The following GOLM1 variants were observed in gnomAD, a reference collection of about 807,000 sequenced individuals.
The protein encoded by GOLM1 is epididymis luminal protein 46.
GOLM1 carries 31 observed loss-of-function variants against 50.5 expected under a neutral mutation model. The observed-to-expected ratio is 0.61, with a 90% confidence interval of 0.46 to 0.83. The LOEUF (loss-of-function observed/expected upper bound fraction) is 0.83, where lower values mean the gene tolerates loss of function less well. GOLM1 is among the 40% of genes least tolerant of loss of function. The probability of loss-of-function intolerance (pLI) is 0.00; values close to 1 mark genes in which losing one functional copy is unlikely to be tolerated. For synonymous variants in GOLM1, 178 were observed against 192.8 expected, an observed-to-expected ratio of 0.92 and a Z score of 0.64; for missense variants, 491 against 501.3, an observed-to-expected ratio of 0.98 and a Z score of 0.20.
intron 9 of GOLM1, among the ~76,000 whole-genome samples, 189 bp downstream of exon 9, chr9:86,033,092 CA>C (rs1355489761): frequency 6.6e-6 from 1 of 152,188 alleles, no homozygotes; most frequent in Non-Finnish European, 1.5e-5. Flanking sequence ...TGGTTTTCAT[CA>C]CCTTGGGCTT....
rs1331948077 is a variant in GOLM1 at position 86,046,509 on chromosome 9, T to G, written c.428A>C (p.Lys143Thr). Reference protein sequence around the residue: ...RLQQDVLQFQKNQTNLERKFS... With the variant: ...RLQQDVLQFQTNQTNLERKFS... ...CTTCCTCTCCAGGTTGGTCTGGTTCTTCTGAAACTGGAGGACATCCTGCTG... is the reference window on the plus strand; with the variant it reads ...CTTCCTCTCCAGGTTGGTCTGGTTCGTCTGAAACTGGAGGACATCCTGCTG... Residue 143 changes from lysine (K) to threonine (T), a missense_variant, in exon 5 of 10, where the codon AAG (lysine) becomes ACG (threonine). By Grantham distance (78) the Lys-to-Thr change is moderately conservative (BLOSUM62 -1). Transcript: ENST00000388712. 2 of 1,613,498 alleles carry G rather than the reference T, an allele frequency of 1.2e-6. No homozygotes were observed. Among genetic ancestry groups the G allele is most frequent in the Non-Finnish European group, 1.7e-6 (2 of 1,179,534 alleles).
At chr9:86,079,804 C>T (rs1456814269) in intron 1 of GOLM1, 1 of 152,514 alleles carries the variant, frequency 6.6e-6, no homozygotes, top group East Asian at 1.9e-4. Flanking sequence ...AGAGTATATT[C>T]CTCATTACTC....
rs192271944 is a variant in GOLM1 at position 86,095,751 on chromosome 9, G to A, written c.-22+3660C>T. Reference sequence around the variant, plus strand: ...TGAAACTTGCAGTGTTCCCCAACTCGCACACAGACCTACTGATAGAGGGAT... The same window carrying A: ...TGAAACTTGCAGTGTTCCCCAACTCACACACAGACCTACTGATAGAGGGAT... On this transcript the variant is annotated intron_variant, in intron 1 of 9. Coordinates refer to ENST00000388712, the MANE Select transcript of GOLM1 (RefSeq NM_016548.4). Among the ~76,000 whole-genome samples, 63 of 152,242 alleles carry A rather than the reference G, an allele frequency of 4.1e-4. No individual in the cohort carries two copies. In the East Asian group the frequency reaches 0.01, roughly 25 times the overall value.
chr9:86,089,961 G>A (rs1029907459), intron 1 of GOLM1, among the ~76,000 whole-genome samples: 4 of 152,072 alleles, frequency 2.6e-5, no homozygotes, highest in Non-Finnish European at 2.9e-5. Context: ...CCTTTTTGTT[G>A]ATGCTATTCC....
rs1832790725 is a variant in GOLM1 at position 86,026,576 on chromosome 9, G to A, written c.*1241C>T. 1.1e-6 allele frequency: 1 copy of A among 938,510 alleles called. No individual in the cohort carries two copies. The highest frequency in any genetic ancestry group is 1.8e-5 in the African/African-American group (1 of 56,330). 58.1% of individuals were successfully genotyped at this position (938,510 alleles called of 1,614,324 possible). A position where few individuals can be genotyped will look rare whatever the true frequency, so the allele number is the denominator to read the frequency against. ...GGATCAAACGATCTCTGGGGCCTTA[G>A]CATCTCAAATCCTGTGGATCCTCCT... is the stretch of plus-strand genomic sequence containing the variant. On this transcript the variant is annotated 3_prime_UTR_variant, in exon 10 of 10. Coordinates refer to ENST00000388712, the MANE Select transcript of GOLM1 (RefSeq NM_016548.4).
intron 1 of GOLM1, among the ~76,000 whole-genome samples, chr9:86,099,059 T>C (rs1360428249): frequency 2.0e-5 from 3 of 152,208 alleles, no homozygotes; most frequent in African/African-American, 4.8e-5. Context: ...GCTTTTGACT[T>C]TGGATGCCGA....
intron 3 of GOLM1, among the ~76,000 whole-genome samples, chr9:86,064,707 A>T (rs1240824991): frequency 6.6e-6 from 1 of 152,004 alleles, no homozygotes. Context: ...GCACCCCAAC[A>T]TCACACTCTG....
At chr9:86,064,748 C>G (rs770601075) in intron 3 of GOLM1, among the ~76,000 whole-genome samples, 1 of 152,238 alleles carries the variant, frequency 6.6e-6, no homozygotes, top group Non-Finnish European at 1.5e-5. Flanking sequence ...GTTCCCTAGG[C>G]ACCCTTCCAG....
chr9:86,053,161 C>G (rs114922685), intron 3 of GOLM1, among the ~76,000 whole-genome samples: 3,695 of 116,210 alleles, frequency 0.032, 68 homozygotes, highest in Middle Eastern at 0.083. Flanking sequence ...CCACACCACA[C>G]ATTCACACCA....
chr9:86,046,709 A>G (rs560186396), intron 4 of GOLM1, 137 bp from the exon 5 acceptor site: 2 of 657,808 alleles, frequency 3.0e-6, no homozygotes, highest in Admixed American at 4.3e-5. Flanking sequence ...GGGAGAGAGA[A>G]AAAGCTGAAA....
Position 86,088,420 on chromosome 9 carries a change from G to GTATATATATATATATATATA in GOLM1, c.-21-9099_-21-9080dup, listed in dbSNP as rs71505775. The stretch of plus-strand genomic sequence containing the variant: ...TGGATTCGTTGTTTTTTTGAAGGGT[G>GTATATATATATATATATATA]TATATATATATATATATATATATAT... On this transcript the variant is annotated intron_variant, in intron 1 of 9. Transcript: ENST00000388712. Among the ~76,000 whole-genome samples, 147 of 86,236 alleles carry GTATATATATATATATATATA rather than the reference G, an allele frequency of 1.7e-3. 1 individual carries two copies. The highest frequency in any genetic ancestry group is 3.2e-3 in the African/African-American group (55 of 17,390). The allele number at this position is 86,236 out of a possible 152,430, so 56.6% of individuals were successfully genotyped here.
intron 7 of GOLM1, 107 bp downstream of exon 7, chr9:86,036,241 C>T (rs1587696898): frequency 8.8e-7 from 1 of 1,130,838 alleles, no homozygotes; most frequent in Non-Finnish European, 1.3e-6. Context: ...CTGCTCCTGG[C>T]TGCGCCGCTG....
upstream of GOLM1, chr9:86,099,906 G>C (rs913514657): frequency 6.6e-6 from 1 of 152,458 alleles, no homozygotes; most frequent in Non-Finnish European, 1.5e-5. Flanking sequence ...GAATGTTCCC[G>C]AACAGCCAAC....
chr9:86,052,442 T>G (rs1386834266), intron 4 of GOLM1, 95 bp downstream of exon 4: 2 of 1,002,080 alleles, frequency 2.0e-6, no homozygotes, highest in Non-Finnish European at 1.6e-6. Flanking sequence ...CGCCATGAGA[T>G]TATAATGGAG....
chr9:86,034,613 A>G (rs1833078349), intron 8 of GOLM1, among the ~76,000 whole-genome samples: 2 of 152,200 alleles, frequency 1.3e-5, no homozygotes, highest in Admixed American at 6.5e-5. Context: ...ACAAAATCCA[A>G]TTCTTTAACT....
At chr9:86,083,579 T>C (rs1245724168) in intron 1 of GOLM1, among the ~76,000 whole-genome samples, 4 of 152,188 alleles carry the variant, frequency 2.6e-5, no homozygotes, top group African/African-American at 9.7e-5. Flanking sequence ...GTAGAGACAG[T>C]GTTTCACTAT....
At chr9:86,051,097 ATTTCTGCCTTC>A (rs1310003482) in intron 4 of GOLM1, among the ~76,000 whole-genome samples, 88 of 152,084 alleles carry the variant, frequency 5.8e-4, no homozygotes, top group Non-Finnish European at 1.1e-3. Context: ...TAACATCCTT[ATTTCTGCCTTC>A]ATTTAGTTAT....
chr9:86,065,085 A>G (rs1044087835), intron 3 of GOLM1, among the ~76,000 whole-genome samples: 1 of 152,230 alleles, frequency 6.6e-6, no homozygotes, highest in Non-Finnish European at 1.5e-5. Flanking sequence ...CGCTGGGCAC[A>G]GGGGCAGGTC....
rs562418843 is a variant in GOLM1, at chr9:86,089,006, A to C, written c.-21-9665T>G. 1.6e-3 allele frequency among the ~76,000 whole-genome samples: 245 copies of C among 152,244 alleles called. 2 individuals carry two copies. Among genetic ancestry groups the C allele is most frequent in the African/African-American group, 5.8e-3 (240 of 41,550 alleles). On this transcript the variant is annotated intron_variant, in intron 1 of 9. Transcript: ENST00000388712. ...TGCTTGTCTGTAAAGGATTTTACTTATCCTTCACTTATGAAGCTTAGTTTG... is the reference window on the plus strand; with the variant it reads ...TGCTTGTCTGTAAAGGATTTTACTTCTCCTTCACTTATGAAGCTTAGTTTG...
Sources: gnomAD v4.1 joint callset for allele counts (sites outside exome capture counted in the v4.1 genomes callset) on GRCh38, gnomAD v4.1.1 for gene constraint, MANE v1.5 for transcripts, NCBI Gene and HGNC (gene_info 2026-07-23, HGNC 2026-07-21) for gene names.